Variants in ACOT9 observed in about 807,000 individuals in gnomAD.
ACOT9 encodes acyl-coenzyme A thioesterase 9, mitochondrial.
Under a neutral mutation model 39.7 loss-of-function variants are expected in ACOT9, and 34 were observed. The observed-to-expected ratio is 0.86, with a 90% CI of 0.65 to 1.14. The LOEUF (loss-of-function observed/expected upper bound fraction) is 1.14, where lower values mean the gene tolerates loss of function less well. Among genes scored for constraint, ACOT9 ranks in the 50% most tolerant of loss-of-function variants. The pLI, the probability that ACOT9 is intolerant of heterozygous loss-of-function variation, is 0.00. For synonymous variants in ACOT9, 110 were observed against 120.5 expected, an observed-to-expected ratio of 0.91 and a Z score of 0.57; for missense variants, 313 against 344.1, an observed-to-expected ratio of 0.91 and a Z score of 0.71.
chrX:23,709,704 G>T (rs1928827378), intron 9 of ACOT9, among the ~76,000 whole-genome samples: 1 of 111,514 alleles, frequency 9.0e-6, no homozygotes, highest in Admixed American at 9.6e-5. Context: ...TTTCCCACAG[G>T]CCACTGGACT....
chrX:23,717,898 G>C (rs1929139022), intron 8 of ACOT9, among the ~76,000 whole-genome samples: 1 of 111,266 alleles, frequency 9.0e-6, no homozygotes, highest in Admixed American at 9.6e-5. Flanking sequence ...GACCAGCCTG[G>C]CCAAGATGGT....
chrX:23,709,833 C>T (rs939924763), intron 9 of ACOT9, among the ~76,000 whole-genome samples: 1 of 111,739 alleles, frequency 8.9e-6, no homozygotes, highest in African/African-American at 3.2e-5. Flanking sequence ...AAAAAGATGA[C>T]GTAAAGTAAG....
At chrX:23,709,217 AC>A (rs1433383663) in intron 9 of ACOT9, among the ~76,000 whole-genome samples, 2 of 110,544 alleles carry the variant, frequency 1.8e-5, no homozygotes, top group African/African-American at 6.6e-5. Flanking sequence ...ACATGGTGAA[AC>A]CCCGTCTCTA....
intron 8 of ACOT9, among the ~76,000 whole-genome samples, chrX:23,720,052 C>G (rs1929257047): frequency 8.9e-6 from 1 of 112,273 alleles, no homozygotes; most frequent in African/African-American, 3.2e-5. Context: ...CCAGGATGGT[C>G]TCGATCTCCT....
At chrX:23,731,376 C>T (rs920497682) in intron 4 of ACOT9, among the ~76,000 whole-genome samples, 5 of 108,213 alleles carry the variant, frequency 4.6e-5, no homozygotes, top group Admixed American at 2.0e-4. Flanking sequence ...ACTTGGTAGG[C>T]TGAGGCAGGA....
In ACOT9 at chrX:23,722,662, T is replaced by C; in HGVS notation, c.484+8A>G. 1 of 1,133,329 alleles carries C rather than the reference T, an allele frequency of 8.8e-7. No homozygotes were observed. The highest frequency in any genetic ancestry group is 1.2e-6 in the Non-Finnish European group (1 of 833,365). The allele number at this position is 1,133,329 out of a possible 1,213,427, so 93.4% of individuals were successfully genotyped here. ...TTCTAAGTATGCATAGAAAATGATA[T>C]CACTTACCAATCTTATCCACCAGGG... On this transcript the variant is annotated splice_region_variant and intron_variant, in intron 7 of 15. Transcript: ENST00000379303.
chrX:23,721,902 T>G lies in ACOT9; in HGVS notation c.567A>C (p.Glu189Asp). The G allele has an allele frequency of 2.3e-5, 28 of 1,210,310 alleles. No homozygotes were observed. The highest frequency in any genetic ancestry group is 3.0e-5 in the Non-Finnish European group (27 of 894,408). Reference sequence around the variant, plus strand: ...TTACCTGGAACATTTGCATCTTCACTTCCATGGATGTCTTCCCGACCCAGC... The same window carrying G: ...TTACCTGGAACATTTGCATCTTCACGTCCATGGATGTCTTCCCGACCCAGC... Reference protein sequence around the residue: ...HVSWVGKTSMEVKMQMFQLHG... With the variant: ...HVSWVGKTSMDVKMQMFQLHG... Residue 189 changes from glutamate to aspartate, a missense_variant, in exon 8 of 16, where the codon GAA becomes GAC. Coordinates refer to ENST00000379303, the MANE Select transcript of ACOT9 (RefSeq NM_001037171.2).
chrX:23,718,434 C>T (rs1929156386), intron 8 of ACOT9, among the ~76,000 whole-genome samples: 1 of 112,310 alleles, frequency 8.9e-6, no homozygotes, highest in Admixed American at 9.5e-5. Flanking sequence ...AAAGTGTTTA[C>T]TTGTCTGACA....
chrX:23,705,910 G>A, intron 11 of ACOT9, 52 bp from the exon 12 acceptor site: 2 of 1,023,386 alleles, frequency 2.0e-6, no homozygotes, highest in Non-Finnish European at 2.7e-6. Context: ...TTCTCTTGTT[G>A]AAAAGTAAAA....
intron 1 of ACOT9, among the ~76,000 whole-genome samples, chrX:23,739,698 G>A (rs1221064295): frequency 9.0e-6 from 1 of 110,866 alleles, no homozygotes; most frequent in East Asian, 2.8e-4. Context: ...AGGAGGCTGA[G>A]GTGGGAGGAT....
At chrX:23,707,780 C>T in intron 10 of ACOT9, 97 bp downstream of exon 10, 2 of 546,675 alleles carry the variant, frequency 3.7e-6, no homozygotes, top group South Asian at 9.2e-5. Context: ...AGACATTTGA[C>T]TGGTATGAAG....
At chrX:23,711,471 T>C (rs184642445) in intron 9 of ACOT9, among the ~76,000 whole-genome samples, 74 of 112,893 alleles carry the variant, frequency 6.6e-4, no homozygotes, top group African/African-American at 2.1e-3. Context: ...GAATGAAGCA[T>C]TGATCCTAAC....
intron 14 of ACOT9, 41 bp downstream of exon 14, chrX:23,704,951 TG>T: frequency 8.5e-7 from 1 of 1,176,850 alleles, no homozygotes; most frequent in African/African-American, 1.8e-5. Context: ...TAGGCTCAAA[TG>T]AAAAAAAAAA....
At chrX:23,742,256 GAT>G (rs375986091) in intron 1 of ACOT9, among the ~76,000 whole-genome samples, 4 of 45,575 alleles carry the variant, frequency 8.8e-5, no homozygotes, top group East Asian at 8.4e-4. Context: ...GAGAGAGAGA[GAT>G]ATCCAGGACC....
chrX:23,743,005 A>G (rs3764883), intron 1 of ACOT9, 120 bp downstream of exon 1: 1 of 895,106 alleles, frequency 1.1e-6, no homozygotes, highest in African/African-American at 2.1e-5. Context: ...CCCTTATCAT[A>G]GAGCCCAAAT....
Position 23,704,863 on chromosome X carries a change from T to C in ACOT9, c.1108-19A>G. On this transcript the variant is annotated intron_variant, in intron 14 of 15. Transcript: ENST00000379303. Reference sequence around the variant, plus strand: ...AGCATACCTAACAGATTATAGACACTATAATCAGTCAACTGCATTAGGAAG... The same window carrying C: ...AGCATACCTAACAGATTATAGACACCATAATCAGTCAACTGCATTAGGAAG... 8.4e-7 allele frequency: 1 copy of C among 1,197,267 alleles called. No individual in the cohort carries two copies. Among genetic ancestry groups the C allele is most frequent in the Middle Eastern group, 2.3e-4 (1 of 4,292 alleles).
At chrX:23,742,384 G>C (rs1920984262) in intron 1 of ACOT9, among the ~76,000 whole-genome samples, 1 of 110,751 alleles carries the variant, frequency 9.0e-6, no homozygotes. Context: ...AGCCCCCTGG[G>C]ATGCAGCCAG....
chrX:23,706,484 G>A (rs1040541041), intron 11 of ACOT9, 144 bp downstream of exon 11: 9 of 437,853 alleles, frequency 2.1e-5, no homozygotes, highest in Admixed American at 8.2e-5. Context: ...CTTGAACCCG[G>A]GAGGCAGAGG....
At chrX:23,706,452 G>A (rs1928685618) in intron 11 of ACOT9, among the ~76,000 whole-genome samples, 176 bp downstream of exon 11, 1 of 105,722 alleles carries the variant, frequency 9.5e-6, no homozygotes, top group African/African-American at 3.5e-5. Flanking sequence ...CCAGCTACTC[G>A]GAGGCTGAGG....
Sources: gnomAD v4.1 joint callset for allele counts (sites outside exome capture counted in the v4.1 genomes callset) on GRCh38, gnomAD v4.1.1 for gene constraint, MANE v1.5 for transcripts, NCBI Gene and HGNC (gene_info 2026-07-23, HGNC 2026-07-21) for gene names.